CCSER1: variants seen among roughly 807,000 people sequenced by gnomAD.
The protein encoded by CCSER1 is serine-rich coiled-coil domain-containing protein 1.
In CCSER1, 41 loss-of-function variants were observed where a neutral mutation model predicts 82.0. The ratio of observed to expected loss-of-function variants is 0.50; its 90% CI spans 0.39 to 0.65. CCSER1 has a LOEUF of 0.65. Among genes scored for constraint, CCSER1 ranks in the 30% least tolerant of loss-of-function variants. The pLI is 0.00. For synonymous variants in CCSER1, 414 were observed against 383.9 expected (o/e 1.08, Z -0.92); for missense variants, 1,119 against 1,064.2 (o/e 1.05, Z -0.72).
chr4:90,978,490 T>C (rs1683678954), intron 9 of CCSER1, among the ~76,000 whole-genome samples: 1 of 151,720 alleles, frequency 6.6e-6, no homozygotes, highest in Admixed American at 6.6e-5. Flanking sequence ...TCTTCATTGC[T>C]TCATTAAATC....
At chr4:90,526,470 T>C (rs1214034652) in intron 5 of CCSER1, among the ~76,000 whole-genome samples, 1 of 152,104 alleles carries the variant, frequency 6.6e-6, no homozygotes, top group African/African-American at 2.4e-5. Flanking sequence ...TACATAGGTA[T>C]ACACGTGCCA....
chr4:90,666,647 G>T (rs546926691), intron 6 of CCSER1, among the ~76,000 whole-genome samples: 2 of 152,154 alleles, frequency 1.3e-5, no homozygotes, highest in African/African-American at 4.8e-5. Flanking sequence ...GCCCTATCAC[G>T]TGCTGAAGAA....
intron 10 of CCSER1, among the ~76,000 whole-genome samples, chr4:91,316,803 A>G (rs764719440): frequency 2.6e-5 from 4 of 151,938 alleles, no homozygotes; most frequent in African/African-American, 4.8e-5. Context: ...AAGACTTCCT[A>G]TCTCCTTCAG....
At chr4:90,878,700 A>G (rs530221956) in intron 8 of CCSER1, among the ~76,000 whole-genome samples, 7 of 152,222 alleles carry the variant, frequency 4.6e-5, no homozygotes, top group African/African-American at 1.7e-4. Context: ...ATCTTTCCTC[A>G]ATGGAGATGC....
chr4:90,695,303 A>G (rs564866090), intron 6 of CCSER1, among the ~76,000 whole-genome samples: 1 of 151,904 alleles, frequency 6.6e-6, no homozygotes, highest in South Asian at 2.1e-4. Flanking sequence ...AAGTTTTAAA[A>G]TGCATCTAAT....
At chr4:91,476,337 T>G (rs533885138) in intron 10 of CCSER1, among the ~76,000 whole-genome samples, 7 of 151,942 alleles carry the variant, frequency 4.6e-5, no homozygotes, top group Admixed American at 2.6e-4. Flanking sequence ...ACATTTTAAC[T>G]GGGATGATAT....
intron 8 of CCSER1, among the ~76,000 whole-genome samples, chr4:90,919,605 A>C (rs1728081791): frequency 6.6e-6 from 1 of 151,898 alleles, no homozygotes; most frequent in African/African-American, 2.4e-5. Context: ...ACCCTTAATA[A>C]ATTTATATAT....
intron 10 of CCSER1, among the ~76,000 whole-genome samples, chr4:91,384,656 T>C (rs914676814): frequency 2.6e-5 from 4 of 152,122 alleles, no homozygotes; most frequent in Non-Finnish European, 5.9e-5. Flanking sequence ...TATGACTATA[T>C]AGAAATGCTT....
chr4:90,635,303 A>G (rs973477801), intron 6 of CCSER1, among the ~76,000 whole-genome samples: 1 of 151,710 alleles, frequency 6.6e-6, no homozygotes, highest in East Asian at 1.9e-4. Context: ...AAGACACACT[A>G]TATACTGGGT....
intron 5 of CCSER1, among the ~76,000 whole-genome samples, chr4:90,575,600 A>G (rs1780649395): frequency 6.6e-6 from 1 of 152,130 alleles, no homozygotes; most frequent in East Asian, 1.9e-4. Flanking sequence ...CCTGAACCAA[A>G]CTTTAAATGT....
intron 9 of CCSER1, among the ~76,000 whole-genome samples, chr4:91,038,120 G>C (rs920493705): frequency 2.0e-5 from 3 of 152,054 alleles, no homozygotes; most frequent in African/African-American, 7.2e-5. Flanking sequence ...TACCAGCCAG[G>C]CAGAGACCCA....
chr4:90,279,228 A>G (rs1728465491), intron 1 of CCSER1, among the ~76,000 whole-genome samples: 1 of 152,058 alleles, frequency 6.6e-6, no homozygotes, highest in Non-Finnish European at 1.5e-5. Flanking sequence ...ATTAATATAC[A>G]GATATACGGA....
At chr4:91,054,535 C>G (rs1469933478) in intron 9 of CCSER1, among the ~76,000 whole-genome samples, 1 of 151,930 alleles carries the variant, frequency 6.6e-6, no homozygotes, top group Non-Finnish European at 1.5e-5. Flanking sequence ...CACCCTTGCT[C>G]TCTTTTGATT....
chr4:90,868,249 A>G (rs1036706753), intron 8 of CCSER1, among the ~76,000 whole-genome samples: 6 of 152,012 alleles, frequency 3.9e-5, no homozygotes, highest in African/African-American at 1.4e-4. Context: ...AATTATTAGT[A>G]ACTATAGTCA....
chr4:91,142,421 TA>T (rs1729127412), intron 10 of CCSER1, among the ~76,000 whole-genome samples: 1 of 152,214 alleles, frequency 6.6e-6, no homozygotes, highest in African/African-American at 2.4e-5. Flanking sequence ...GAGAACAGAC[TA>T]ATATACTCTG....
intron 10 of CCSER1, among the ~76,000 whole-genome samples, chr4:91,529,497 T>C (rs1271332508): frequency 6.6e-6 from 1 of 152,150 alleles, no homozygotes; most frequent in Non-Finnish European, 1.5e-5. Context: ...TTATGACTTA[T>C]CAAATTTTCC....
intron 7 of CCSER1, among the ~76,000 whole-genome samples, chr4:90,738,251 G>A (rs1319166133): frequency 2.0e-5 from 3 of 152,008 alleles, no homozygotes; most frequent in African/African-American, 7.2e-5. Flanking sequence ...ATCCTTCTTA[G>A]GAAGGCTTTC....
intron 10 of CCSER1, among the ~76,000 whole-genome samples, chr4:91,143,252 TG>T (rs1240340071): frequency 1.4e-5 from 2 of 143,052 alleles, no homozygotes; most frequent in Non-Finnish European, 3.0e-5. Context: ...ATTGTGAATT[TG>T]ATTTTTTTTT....
At chr4:90,529,594 TTTATCTC>T (rs756846657) in intron 5 of CCSER1, among the ~76,000 whole-genome samples, 3 of 152,208 alleles carry the variant, frequency 2.0e-5, no homozygotes, top group Non-Finnish European at 4.4e-5. Context: ...GGTCCCCTGT[TTTATCTC>T]TAATAATTTA....
Sources: allele counts gnomAD v4.1 joint callset (sites outside exome capture counted in the v4.1 genomes callset), GRCh38; gene constraint gnomAD v4.1.1; transcripts MANE v1.5; gene names NCBI Gene and HGNC (gene_info 2026-07-23, HGNC 2026-07-21).